HNRNPC: variants seen among roughly 807,000 people sequenced by gnomAD.
The protein encoded by HNRNPC is heterogeneous nuclear ribonucleoprotein C, also known as heterogeneous nuclear ribonucleoproteins C1/C2.
Under a neutral mutation model 33.2 loss-of-function variants are expected in HNRNPC, and 3 were observed. That is an observed-to-expected ratio of 0.09 (90% confidence interval 0.04 to 0.23). The LOEUF is 0.23. Among genes scored for constraint, HNRNPC ranks in the 10% least tolerant of loss-of-function variants. The pLI, the probability that HNRNPC is intolerant of heterozygous loss-of-function variation, is 1.00. For missense variants in HNRNPC, 143 were observed against 366.7 expected (o/e 0.39, Z 4.98); for synonymous variants, 121 against 126.7 (o/e 0.96, Z 0.30).
intron 1 of HNRNPC, among the ~76,000 whole-genome samples, chr14:21,268,173 ATTTT>A (rs529398677): frequency 6.6e-6 from 1 of 152,028 alleles, no homozygotes; most frequent in African/African-American, 2.4e-5. Flanking sequence ...GATCTAAACA[ATTTT>A]TTTTAACTTT....
At chr14:21,232,567 G>A (rs1427233117) in intron 3 of HNRNPC, among the ~76,000 whole-genome samples, 8 of 152,022 alleles carry the variant, frequency 5.3e-5, no homozygotes, top group Admixed American at 3.3e-4. Context: ...GGCTTTTCAC[G>A]GTGTTAGCCA....
chr14:21,256,494 T>G (rs1353017332), intron 2 of HNRNPC, among the ~76,000 whole-genome samples: 1 of 151,942 alleles, frequency 6.6e-6, no homozygotes, highest in Non-Finnish European at 1.5e-5. Context: ...TTAGGATCAA[T>G]CTAGCTATCA....
At chr14:21,217,466 G>GA (rs1156920115) in intron 5 of HNRNPC, among the ~76,000 whole-genome samples, 1 of 152,140 alleles carries the variant, frequency 6.6e-6, no homozygotes, top group Non-Finnish European at 1.5e-5. Context: ...ACCACATGGG[G>GA]AAACTCTAAC....
chr14:21,263,019 T>C (rs773130161), intron 2 of HNRNPC: 2 of 150,826 alleles, frequency 1.3e-5, no homozygotes, highest in African/African-American at 2.4e-5. Context: ...AAGGGTGGGG[T>C]TGGGAGAGAA....
chr14:21,228,859 T>A (rs1277629527), intron 5 of HNRNPC, among the ~76,000 whole-genome samples: 1 of 138,096 alleles, frequency 7.2e-6, no homozygotes, highest in African/African-American at 2.7e-5. Flanking sequence ...TCAAGGCGAG[T>A]AGATCACCTC....
chr14:21,240,481 G>A (rs187888092), intron 2 of HNRNPC, among the ~76,000 whole-genome samples: 5 of 152,164 alleles, frequency 3.3e-5, no homozygotes, highest in South Asian at 2.1e-4. Flanking sequence ...GAAAAGGTAC[G>A]GCAGTTTGCA....
At position 21,229,368 on chromosome 14, in the gene HNRNPC, CAA is replaced by C. The variant is rs36094058; in HGVS notation, c.365+949_365+950del. On this transcript the variant is annotated intron_variant, in intron 5 of 8. Coordinates refer to ENST00000553300, the MANE Select transcript of HNRNPC (RefSeq NM_004500.4). Reference sequence around the variant, plus strand: ...GATGGGCGACAGAGCGAGACTGTCTCAAAAAAAAAAAAAAAAAAATCTGAGGA... The same window carrying C: ...GATGGGCGACAGAGCGAGACTGTCTCAAAAAAAAAAAAAAAAATCTGAGGA... Among the ~76,000 whole-genome samples, 1,080 of 112,232 alleles carry C rather than the reference CAA, an allele frequency of 9.6e-3. 12 individuals carry two copies. Among genetic ancestry groups the C allele is most frequent in the African/African-American group, 0.025 (760 of 30,280 alleles). The allele number at this position is 112,232 out of a possible 152,430, so 73.6% of individuals were successfully genotyped here. A position where few individuals can be genotyped will look rare whatever the true frequency, so the allele number is the denominator to read the frequency against.
intron 6 of HNRNPC, among the ~76,000 whole-genome samples, chr14:21,212,427 T>C (rs531203149): frequency 6.6e-6 from 1 of 152,166 alleles, no homozygotes; most frequent in South Asian, 2.1e-4. Context: ...CAAAAAAATC[T>C]CAGGAACTTA....
intron 2 of HNRNPC, among the ~76,000 whole-genome samples, chr14:21,242,302 G>C (rs144585335): frequency 3.3e-5 from 5 of 152,276 alleles, no homozygotes; most frequent in Non-Finnish European, 5.9e-5. Flanking sequence ...GGTCAACATA[G>C]TGAAACCCCA....
intron 1 of HNRNPC, chr14:21,264,521 T>C (rs886463922): frequency 3.9e-5 from 6 of 152,352 alleles, no homozygotes; most frequent in South Asian, 2.1e-4. Flanking sequence ...CACTATTTAC[T>C]ATGTAGCGTG....
chr14:21,266,924 C>G (rs2139075050), intron 1 of HNRNPC, among the ~76,000 whole-genome samples: 1 of 151,740 alleles, frequency 6.6e-6, no homozygotes, highest in African/African-American at 2.4e-5. Context: ...AACCCCGTCT[C>G]TACTAAAAAT....
intron 5 of HNRNPC, among the ~76,000 whole-genome samples, chr14:21,225,104 G>GT (rs1473615017): frequency 6.6e-6 from 1 of 151,938 alleles, no homozygotes; most frequent in African/African-American, 2.4e-5. Context: ...TTTCTATTTC[G>GT]TGTTGCCCAA....
intron 5 of HNRNPC, among the ~76,000 whole-genome samples, chr14:21,223,163 G>A (rs8009588): frequency 2.6e-5 from 4 of 152,014 alleles, no homozygotes; most frequent in East Asian, 1.9e-4. Flanking sequence ...CCAAGATCTC[G>A]CCATTGCAAT....
chr14:21,234,080 C>T lies in HNRNPC; in HGVS notation c.114G>A (p.Ser38=), dbSNP rs560132101. Reference sequence around the variant, plus strand: ...AGCAGCCCACAATTTTGCCATACTTCGAAAAGATTGCCTCCACATCAGATT... The same window carrying T: ...AGCAGCCCACAATTTTGCCATACTTTGAAAAGATTGCCTCCACATCAGATT... ...VKKSDVEAIF[S]KYGKIVGCSV... is the part of the protein sequence containing the mutation. Residue 38 remains serine (S), a synonymous_variant, in exon 3 of 9, where the codon TCG becomes TCA. Coordinates refer to ENST00000553300, the MANE Select transcript of HNRNPC (RefSeq NM_004500.4). 8.7e-6 allele frequency: 14 copies of T among 1,613,772 alleles called. No individual in the cohort carries two copies. Among genetic ancestry groups the T allele is most frequent in the Admixed American group, 3.3e-5 (2 of 59,986 alleles).
At chr14:21,266,726 A>G (rs1028342427) in intron 1 of HNRNPC, among the ~76,000 whole-genome samples, 1 of 151,202 alleles carries the variant, frequency 6.6e-6, no homozygotes, top group African/African-American at 2.4e-5. Flanking sequence ...AATGCTCCCC[A>G]GAGACAACTA....
intron 6 of HNRNPC, 100 bp from the exon 7 acceptor site, chr14:21,212,023 A>C: frequency 1.1e-6 from 1 of 893,216 alleles, no homozygotes; most frequent in South Asian, 1.5e-5. Context: ...CACAGGAGAT[A>C]CCCAGGGAGA....
Position 21,267,946 on chromosome 14 carries a change from G to A in HNRNPC, c.-63+1352C>T, listed in dbSNP as rs528341791. Among the ~76,000 whole-genome samples the A allele has an allele frequency of 1.7e-3, 252 of 152,204 alleles. 1 individual carries two copies. Among genetic ancestry groups the A allele is most frequent in the Non-Finnish European group, 2.7e-3 (181 of 68,012 alleles). ...TTCCTGTAATAATATACATGTTTAAGCCTTAAGAAAGGGGTCGCGATGTTT... is the reference window on the plus strand; with the variant it reads ...TTCCTGTAATAATATACATGTTTAAACCTTAAGAAAGGGGTCGCGATGTTT... On this transcript the variant is annotated intron_variant, in intron 1 of 8. Transcript: ENST00000553300.
intron 5 of HNRNPC, among the ~76,000 whole-genome samples, chr14:21,221,160 T>C (rs889722760): frequency 2.0e-5 from 3 of 152,206 alleles, no homozygotes; most frequent in Admixed American, 2.0e-4. Context: ...TGAAATCATA[T>C]GCCTGCTGTA....
chr14:21,245,501 A>T (rs985523368), intron 2 of HNRNPC, among the ~76,000 whole-genome samples: 42 of 145,420 alleles, frequency 2.9e-4, no homozygotes, highest in South Asian at 1.5e-3. Flanking sequence ...CGCCAAAAAA[A>T]ATATATATAT....
Sources: allele counts gnomAD v4.1 joint callset (sites outside exome capture counted in the v4.1 genomes callset), GRCh38; gene constraint gnomAD v4.1.1; transcripts MANE v1.5; gene names NCBI Gene and HGNC (gene_info 2026-07-23, HGNC 2026-07-21).